FBXO34: variants seen among roughly 807,000 people sequenced by gnomAD.
FBXO34 encodes F-box only protein 34.
FBXO34 carries 12 observed loss-of-function variants against 24.5 expected under a neutral mutation model. The observed-to-expected ratio is 0.49, with a 90% CI of 0.31 to 0.79. FBXO34 has a LOEUF of 0.79. Among genes scored for constraint, FBXO34 ranks in the 30% least tolerant of loss-of-function variants. The pLI is 0.04. For synonymous variants in FBXO34, 320 were observed against 311.9 expected, an observed-to-expected ratio of 1.03 and a Z score of -0.27; for missense variants, 823 against 857.7, an observed-to-expected ratio of 0.96 and a Z score of 0.51.
downstream of FBXO34, among the ~76,000 whole-genome samples, chr14:55,365,966 G>A (rs2140108750): frequency 6.6e-6 from 1 of 152,254 alleles, no homozygotes; most frequent in East Asian, 1.9e-4. Flanking sequence ...AGGGTGTTGG[G>A]TTGGGGAGGG....
At chr14:55,340,988 G>A (rs758843145) in intron 1 of FBXO34, among the ~76,000 whole-genome samples, 4 of 152,128 alleles carry the variant, frequency 2.6e-5, no homozygotes, top group Non-Finnish European at 4.4e-5. Flanking sequence ...AAAAATTTAT[G>A]TTTACATAAA....
At chr14:55,331,715 A>ATATATG (rs1555338534) in intron 1 of FBXO34, among the ~76,000 whole-genome samples, 1 of 45,708 alleles carries the variant, frequency 2.2e-5, no homozygotes, top group African/African-American at 1.7e-4. Flanking sequence ...GTATATATAT[A>ATATATG]TGTATATATA....
chr14:55,400,909 TAAATAAAATAAAATA>T, the FBXO34 span, among the ~76,000 whole-genome samples: 4,226 of 143,330 alleles, frequency 0.029, 87 homozygotes, highest in Non-Finnish European at 0.039. Context: ...CTCAAATAAA[TAAATAAAATAAAATA>T]AAATAAAATA....
At chr14:55,432,573 T>C in the FBXO34 span, among the ~76,000 whole-genome samples, 1 of 150,018 alleles carries the variant, frequency 6.7e-6, no homozygotes, top group East Asian at 1.9e-4. Flanking sequence ...GCAAATGACA[T>C]AGCAATTTCT....
At chr14:55,315,571 A>G (rs1189603813) in intron 1 of FBXO34, among the ~76,000 whole-genome samples, 1 of 152,222 alleles carries the variant, frequency 6.6e-6, no homozygotes, top group Non-Finnish European at 1.5e-5. Flanking sequence ...TGAGATCCTA[A>G]TAGGCTGAAA....
chr14:55,323,225 A>T (rs953346686), intron 1 of FBXO34, among the ~76,000 whole-genome samples: 569 of 18,938 alleles, frequency 0.03, 2 homozygotes, highest in Middle Eastern at 0.05. Context: ...AAAAATATAT[A>T]TTTTTTTTTT....
chr14:55,289,382 A>G (rs1881867514), intron 1 of FBXO34, among the ~76,000 whole-genome samples: 1 of 152,314 alleles, frequency 6.6e-6, no homozygotes, highest in Admixed American at 6.5e-5. Flanking sequence ...ATATGTTCAC[A>G]TGCTTCAAAC....
the FBXO34 span, among the ~76,000 whole-genome samples, chr14:55,429,454 A>G: frequency 6.6e-6 from 1 of 152,160 alleles, no homozygotes. Flanking sequence ...TCCAGTCTCA[A>G]AGTATGTCCC....
the FBXO34 span, among the ~76,000 whole-genome samples, chr14:55,402,966 T>TAA: frequency 1.9e-4 from 11 of 59,072 alleles, no homozygotes; most frequent in Admixed American, 8.3e-4. Context: ...TATATATATA[T>TAA]ATAAATAGCT....
chr14:55,412,515 T>C, the FBXO34 span, among the ~76,000 whole-genome samples: 2 of 152,226 alleles, frequency 1.3e-5, no homozygotes, highest in Non-Finnish European at 2.9e-5. Flanking sequence ...TAAGAGAATT[T>C]GAACTAGGTA....
chr14:55,336,963 CTCTT>C (rs960398883), intron 1 of FBXO34, among the ~76,000 whole-genome samples: 2 of 139,052 alleles, frequency 1.4e-5, no homozygotes. Context: ...GGTCTCTTCA[CTCTT>C]TTTTTTATTT....
At chr14:55,297,156 C>CAATCA (rs1555335909) in intron 1 of FBXO34, among the ~76,000 whole-genome samples, 26 of 152,110 alleles carry the variant, frequency 1.7e-4, no homozygotes, top group Non-Finnish European at 7.4e-5. Context: ...GCACAACTGC[C>CAATCA]GGCATATATG....
downstream of FBXO34, among the ~76,000 whole-genome samples, chr14:55,363,271 G>T (rs1884617992): frequency 1.3e-5 from 2 of 151,338 alleles, no homozygotes; most frequent in Non-Finnish European, 2.9e-5. Context: ...CTGAGCTCAG[G>T]TGATCCACCC....
chr14:55,401,453 T>G, the FBXO34 span, among the ~76,000 whole-genome samples: 1 of 152,194 alleles, frequency 6.6e-6, no homozygotes, highest in Non-Finnish European at 1.5e-5. Flanking sequence ...CTGAAAGAAA[T>G]CTGCCAGTGA....
the FBXO34 span, among the ~76,000 whole-genome samples, chr14:55,398,866 A>G: frequency 6.6e-6 from 1 of 152,052 alleles, no homozygotes; most frequent in Admixed American, 6.6e-5. Context: ...AAAAAAAAAA[A>G]TTGTATGACT....
At chr14:55,435,502 C>T in the FBXO34 span, among the ~76,000 whole-genome samples, 2 of 152,084 alleles carry the variant, frequency 1.3e-5, no homozygotes, top group Non-Finnish European at 2.9e-5. Flanking sequence ...TCTCAAACTC[C>T]TGACCTCGTG....
At chr14:55,289,795 C>G (rs1204800512) in intron 1 of FBXO34, among the ~76,000 whole-genome samples, 1 of 151,950 alleles carries the variant, frequency 6.6e-6, no homozygotes, top group East Asian at 1.9e-4. Flanking sequence ...GATTATTCTG[C>G]CTTGGCCTCA....
intron 1 of FBXO34, among the ~76,000 whole-genome samples, chr14:55,330,341 G>A (rs1883491608): frequency 6.6e-6 from 1 of 152,136 alleles, no homozygotes; most frequent in African/African-American, 2.4e-5. Flanking sequence ...TTTTTGTGCC[G>A]TTTTGTTTCT....
intron 1 of FBXO34, among the ~76,000 whole-genome samples, chr14:55,316,223 T>C (rs182941645): frequency 1.3e-5 from 2 of 152,300 alleles, no homozygotes; most frequent in African/African-American, 2.4e-5. Flanking sequence ...CTATCAGGAA[T>C]TGACTACATA....
Sources: gnomAD v4.1 joint callset for allele counts (sites outside exome capture counted in the v4.1 genomes callset) on GRCh38, gnomAD v4.1.1 for gene constraint, MANE v1.5 for transcripts, NCBI Gene and HGNC (gene_info 2026-07-23, HGNC 2026-07-21) for gene names.